The following CNTN5 variants were observed in gnomAD, a reference collection of about 807,000 sequenced individuals.
CNTN5 encodes contactin-5.
A neutral mutation model predicts 129.1 loss-of-function variants in CNTN5; 77 were observed. That is an observed-to-expected ratio of 0.60 (90% CI 0.50 to 0.72). The LOEUF (loss-of-function observed/expected upper bound fraction) is 0.72. Among genes scored for constraint, CNTN5 ranks in the 30% least tolerant of loss-of-function variants. The pLI is 0.00. For missense variants in CNTN5, 1,478 were observed against 1,328.8 expected, an observed-to-expected ratio of 1.11 and a Z score of -1.75; for synonymous variants, 509 against 465.6, an observed-to-expected ratio of 1.09 and a Z score of -1.20.
chr11:99,708,709 C>T (rs568635084), intron 3 of CNTN5, among the ~76,000 whole-genome samples: 1 of 151,676 alleles, frequency 6.6e-6, no homozygotes, highest in African/African-American at 2.4e-5. Context: ...CTACTACTTG[C>T]AGCTAAAGGA....
intron 3 of CNTN5, among the ~76,000 whole-genome samples, chr11:99,816,899 C>A (rs1220106444): frequency 6.6e-6 from 1 of 152,138 alleles, no homozygotes; most frequent in South Asian, 2.1e-4. Context: ...ATATTTTCTT[C>A]CCTGTCTAGA....
intron 3 of CNTN5, among the ~76,000 whole-genome samples, chr11:99,557,910 A>G (rs1009507304): frequency 1.3e-5 from 2 of 151,774 alleles, no homozygotes; most frequent in Non-Finnish European, 3.0e-5. Context: ...AAGCCTTTTT[A>G]TTGCAATACT....
chr11:99,939,067 C>T (rs915752849), intron 7 of CNTN5, among the ~76,000 whole-genome samples: 7 of 151,944 alleles, frequency 4.6e-5, no homozygotes, highest in Non-Finnish European at 7.4e-5. Context: ...ATCAACCCTC[C>T]GGTGTTTCTA....
intron 3 of CNTN5, among the ~76,000 whole-genome samples, chr11:99,745,310 C>T (rs1382440577): frequency 6.6e-6 from 1 of 152,174 alleles, no homozygotes; most frequent in African/African-American, 2.4e-5. Flanking sequence ...TGACTCTACA[C>T]TTCTGTAACC....
intron 6 of CNTN5, 104 bp downstream of exon 6, chr11:99,845,366 C>T (rs368433761): frequency 4.2e-3 from 359 of 86,072 alleles, no homozygotes; most frequent in South Asian, 0.015. Flanking sequence ...GATCTCAAAT[C>T]TTTTTTTTTT....
chr11:99,652,495 G>A (rs1952195274), intron 3 of CNTN5, among the ~76,000 whole-genome samples: 1 of 152,004 alleles, frequency 6.6e-6, no homozygotes, highest in African/African-American at 2.4e-5. Flanking sequence ...GTGTCCACCG[G>A]AAAGCGGTAT....
At chr11:99,789,572 A>G (rs1327163164) in intron 3 of CNTN5, among the ~76,000 whole-genome samples, 4 of 151,990 alleles carry the variant, frequency 2.6e-5, no homozygotes, top group African/African-American at 9.7e-5. Flanking sequence ...CTTTGCTTCC[A>G]TCAGCTGTAT....
At chr11:99,972,280 A>T (rs1294291391) in intron 8 of CNTN5, among the ~76,000 whole-genome samples, 1 of 151,916 alleles carries the variant, frequency 6.6e-6, no homozygotes, top group East Asian at 1.9e-4. Context: ...GTAAATAAAT[A>T]AATAAAAATA....
chr11:100,113,780 C>T lies in CNTN5; in HGVS notation c.1580+39486C>T, dbSNP rs117425552. Reference sequence around the variant, plus strand: ...TTATAAACACTTCAAATTACTTTACCTTCTTGGTAAACTATCAGTTTCTCA... The same window carrying T: ...TTATAAACACTTCAAATTACTTTACTTTCTTGGTAAACTATCAGTTTCTCA... On this transcript the variant is annotated intron_variant, in intron 13 of 24. Transcript: ENST00000524871. Among the ~76,000 whole-genome samples the T allele has an allele frequency of 5.7e-4, 86 of 152,116 alleles. No homozygotes were observed. The East Asian group carries it at 8.7e-3, about 15-fold the overall frequency.
chr11:99,181,023 G>A (rs1858030839), intron 1 of CNTN5, among the ~76,000 whole-genome samples: 1 of 152,204 alleles, frequency 6.6e-6, no homozygotes, highest in Admixed American at 6.5e-5. Context: ...AGAGCTTTTT[G>A]TACGTGTAAG....
intron 13 of CNTN5, among the ~76,000 whole-genome samples, chr11:100,112,781 T>A (rs1945698217): frequency 6.6e-6 from 1 of 152,016 alleles, no homozygotes; most frequent in Non-Finnish European, 1.5e-5. Context: ...AGACTAAAGG[T>A]CATGACATAA....
chr11:100,172,459 G>A (rs1947853672), intron 13 of CNTN5, among the ~76,000 whole-genome samples: 1 of 151,994 alleles, frequency 6.6e-6, no homozygotes, highest in Non-Finnish European at 1.5e-5. Context: ...CTGAGTGCTG[G>A]GATACTGAGG....
chr11:99,769,772 C>G (rs902761469), intron 3 of CNTN5, among the ~76,000 whole-genome samples: 1 of 150,418 alleles, frequency 6.6e-6, no homozygotes, highest in Non-Finnish European at 1.5e-5. Context: ...TTCAACATCT[C>G]GCCACTGCAC....
intron 1 of CNTN5, among the ~76,000 whole-genome samples, chr11:99,277,187 G>A (rs1487758216): frequency 6.6e-6 from 1 of 151,576 alleles, no homozygotes; most frequent in African/African-American, 2.4e-5. Context: ...AGGTACCCAG[G>A]AGAAGTTTCA....
At chr11:99,620,468 T>G (rs1439052336) in intron 3 of CNTN5, among the ~76,000 whole-genome samples, 1 of 149,610 alleles carries the variant, frequency 6.7e-6, no homozygotes, top group African/African-American at 2.4e-5. Context: ...CTGAGTAGAG[T>G]TAATGATTTA....
At chr11:100,025,655 C>T (rs1265440739) in intron 9 of CNTN5, among the ~76,000 whole-genome samples, 1 of 152,194 alleles carries the variant, frequency 6.6e-6, no homozygotes, top group African/African-American at 2.4e-5. Context: ...CATGGGAACC[C>T]ACCTTTTGCT....
Position 99,802,383 on chromosome 11 carries a change from T to G in CNTN5, c.56-17161T>G, listed in dbSNP as rs1368703015. Among the ~76,000 whole-genome samples, 5 of 152,118 alleles carry G rather than the reference T, an allele frequency of 3.3e-5. No homozygotes were observed. In the East Asian group the frequency reaches 7.7e-4, roughly 24 times the overall value. ...TGGAGGGTAGGGGGAAAGATGTGCT[T>G]GTCCAAACCAGGAAGGCTCACCTAC... On this transcript the variant is annotated intron_variant, in intron 3 of 24. Coordinates refer to ENST00000524871, the MANE Select transcript of CNTN5 (RefSeq NM_014361.4).
chr11:99,337,172 G>A (rs1056052801), intron 2 of CNTN5, among the ~76,000 whole-genome samples: 9 of 152,128 alleles, frequency 5.9e-5, no homozygotes, highest in East Asian at 1.9e-4. Flanking sequence ...AATCTTAGAA[G>A]AGACTTTTGA....
At chr11:99,404,430 T>A (rs1941979405) in intron 2 of CNTN5, among the ~76,000 whole-genome samples, 1 of 152,020 alleles carries the variant, frequency 6.6e-6, no homozygotes. Context: ...TCTTTTTTTG[T>A]TCTTTGTTTT....
Sources: allele counts gnomAD v4.1 joint callset (sites outside exome capture counted in the v4.1 genomes callset), GRCh38; gene constraint gnomAD v4.1.1; transcripts MANE v1.5; gene names NCBI Gene and HGNC (gene_info 2026-07-23, HGNC 2026-07-21).